Variants in ECT2 observed in about 807,000 individuals in gnomAD.
ECT2 encodes protein ECT2.
In ECT2, 61 loss-of-function variants were observed where a neutral mutation model predicts 116.9. The ratio of observed to expected loss-of-function variants is 0.52; its 90% confidence interval spans 0.42 to 0.65. The LOEUF is 0.65. Ranked by LOEUF, ECT2 falls within the 30% of genes least tolerant of loss-of-function variation. The pLI is 0.00. For synonymous variants in ECT2, 358 were observed against 346.4 expected, an observed-to-expected ratio of 1.03 and a Z score of -0.37; for missense variants, 937 against 1,078.7, an observed-to-expected ratio of 0.87 and a Z score of 1.84.
chr3:172,818,092 T>C (rs924524207), intron 24 of ECT2, among the ~76,000 whole-genome samples: 3 of 152,128 alleles, frequency 2.0e-5, no homozygotes, highest in African/African-American at 7.2e-5. Flanking sequence ...TTTTTATTTA[T>C]AAAATTTCCG....
chr3:172,765,001 T>C (rs1475771219), intron 12 of ECT2, among the ~76,000 whole-genome samples: 1 of 152,240 alleles, frequency 6.6e-6, no homozygotes. Flanking sequence ...CAAATGTGTT[T>C]TCTAGATTTA....
Position 172,773,923 on chromosome 3 carries a change from A to G in ECT2, c.1449A>G (p.Glu483=). 6.2e-7 allele frequency: 1 copy of G among 1,613,578 alleles called. No homozygotes were observed. The change falls in exon 14 of 25, where the codon GAA becomes GAG. Residue 483 remains glutamate, a synonymous_variant. Transcript: ENST00000392692. ...TTTAGTTATTTCAAGTACCATTGGAAGAGGAAGGACAACGTGGTGGACCTA... is the reference window on the plus strand; with the variant it reads ...TTTAGTTATTTCAAGTACCATTGGAGGAGGAAGGACAACGTGGTGGACCTA... ...TIIQLFQVPL[E]EEGQRGGPIL...
chr3:172,788,113 A>G (rs905344478), intron 18 of ECT2, among the ~76,000 whole-genome samples: 2 of 152,182 alleles, frequency 1.3e-5, no homozygotes, highest in Non-Finnish European at 2.9e-5. Flanking sequence ...CTGATTAATA[A>G]GCCTTATAGA....
At chr3:172,826,837 ACAAT>A in the ECT2 span, among the ~76,000 whole-genome samples, 1 of 152,232 alleles carries the variant, frequency 6.6e-6, no homozygotes, top group African/African-American at 2.4e-5. Context: ...AGCAAAGGAA[ACAAT>A]CAACAAAGTG....
chr3:172,818,633 C>G (rs966938486), intron 24 of ECT2: 18 of 1,288,992 alleles, frequency 1.4e-5, no homozygotes, highest in Non-Finnish European at 1.6e-5. Context: ...GGTGGGCGCT[C>G]TCAGTACTCC....
intron 15 of ECT2, 136 bp from the exon 16 acceptor site, chr3:172,783,663 C>G (rs902387568): frequency 3.3e-6 from 2 of 599,940 alleles, no homozygotes; most frequent in Non-Finnish European, 5.9e-6. Flanking sequence ...AGTTTGTTCT[C>G]AAACATAGAA....
chr3:172,829,012 A>G, the ECT2 span: 5 of 931,444 alleles, frequency 5.4e-6, no homozygotes, highest in Non-Finnish European at 8.7e-6. Context: ...ACTGGTCTGG[A>G]ACTCCTGTCT....
chr3:172,786,390 T>C, intron 17 of ECT2, 103 bp from the exon 18 acceptor site: 4 of 699,808 alleles, frequency 5.7e-6, no homozygotes, highest in Non-Finnish European at 9.5e-6. Context: ...AAGGATTGAA[T>C]ATTATCTTTA....
At chr3:172,782,096 A>G in intron 14 of ECT2, 67 bp from the exon 15 acceptor site, 1 of 941,296 alleles carries the variant, frequency 1.1e-6, no homozygotes, top group Non-Finnish European at 1.6e-6. Flanking sequence ...AGTATCTCAG[A>G]AATAATAAAA....
intron 1 of ECT2, among the ~76,000 whole-genome samples, chr3:172,751,700 A>G (rs937084834): frequency 1.3e-5 from 2 of 151,862 alleles, no homozygotes; most frequent in Non-Finnish European, 2.9e-5. Context: ...TTACATGGCA[A>G]ATTTTATCTC....
At chr3:172,827,419 A>G in the ECT2 span, among the ~76,000 whole-genome samples, 1 of 152,254 alleles carries the variant, frequency 6.6e-6, no homozygotes, top group African/African-American at 2.4e-5. Context: ...AAAACGTGGT[A>G]TATATACACA....
At chr3:172,819,241 C>T (rs1419372537) in intron 24 of ECT2, among the ~76,000 whole-genome samples, 2 of 151,558 alleles carry the variant, frequency 1.3e-5, no homozygotes, top group South Asian at 4.2e-4. Flanking sequence ...TTTTTAAATG[C>T]TTCATTTTAC....
downstream of ECT2, among the ~76,000 whole-genome samples, chr3:172,823,053 C>CAG (rs1553774215): frequency 6.6e-6 from 1 of 151,938 alleles, no homozygotes; most frequent in African/African-American, 2.4e-5. Flanking sequence ...AAAATTCTCA[C>CAG]AGAGCGTTAT....
intron 18 of ECT2, among the ~76,000 whole-genome samples, chr3:172,793,802 T>C (rs144072259): frequency 6.6e-6 from 1 of 152,286 alleles, no homozygotes; most frequent in Non-Finnish European, 1.5e-5. Flanking sequence ...TAATAGATGT[T>C]TGGTTGTCTT....
intron 14 of ECT2, among the ~76,000 whole-genome samples, chr3:172,774,532 C>T (rs1721295464): frequency 6.6e-6 from 1 of 151,974 alleles, no homozygotes; most frequent in Admixed American, 6.6e-5. Context: ...CTCTCTCACC[C>T]AGGCTAGCGT....
chr3:172,802,901 T>C lies in ECT2; in HGVS notation c.2027T>C (p.Val676Ala). ...TCTCACCGAAGCTTAGTACAGCGGGTTGAAACAATTTCTCTAGGTGAGCAC... is the reference window on the plus strand; with the variant it reads ...TCTCACCGAAGCTTAGTACAGCGGGCTGAAACAATTTCTCTAGGTGAGCAC... ...LSSHRSLVQR[V>A]ETISLGEHPC... Residue 676 changes from valine (V) to alanine (A), a missense_variant, in exon 20 of 25, where the codon GTT becomes GCT. Coordinates refer to ENST00000392692, the MANE Select transcript of ECT2 (RefSeq NM_001258315.2). 1.2e-6 allele frequency: 2 copies of C among 1,613,342 alleles called. No individual in the cohort carries two copies. The highest frequency in any genetic ancestry group is 1.7e-6 in the Non-Finnish European group (2 of 1,179,558).
At chr3:172,782,256 G>T in intron 15 of ECT2, 25 bp downstream of exon 15, 1 of 1,389,656 alleles carries the variant, frequency 7.2e-7, no homozygotes, top group African/African-American at 1.5e-5. Flanking sequence ...TCTTTTTTAA[G>T]TTTTCAGATT....
At chr3:172,762,057 C>T (rs10513705) in intron 8 of ECT2, among the ~76,000 whole-genome samples, 72,867 of 151,798 alleles carry the variant, frequency 0.48, 19,946 homozygotes, top group East Asian at 0.69. Context: ...GTTTTCCAAG[C>T]GCATGATTTC....
At chr3:172,781,038 A>G (rs1236198174) in intron 14 of ECT2, among the ~76,000 whole-genome samples, 6 of 152,120 alleles carry the variant, frequency 3.9e-5, no homozygotes, top group Admixed American at 3.9e-4. Context: ...CTAACTCAAG[A>G]TTTTGAAGAT....
Sources: gnomAD v4.1 joint callset for allele counts (sites outside exome capture counted in the v4.1 genomes callset) on GRCh38, gnomAD v4.1.1 for gene constraint, MANE v1.5 for transcripts, NCBI Gene and HGNC (gene_info 2026-07-23, HGNC 2026-07-21) for gene names.